Variants in HOMER1 observed in about 807,000 individuals in gnomAD.
HOMER1 encodes homer scaffold protein 1.
Under a neutral mutation model 48.9 loss-of-function variants are expected in HOMER1, and 3 were observed. That is an observed-to-expected ratio of 0.06 (90% CI 0.03 to 0.16). The LOEUF (loss-of-function observed/expected upper bound fraction) is 0.16. HOMER1 is among the 10% of genes least tolerant of loss of function. HOMER1 has a pLI of 1.00. For synonymous variants in HOMER1, 134 were observed against 146.4 expected (o/e 0.92, Z 0.61); for missense variants, 247 against 411.4 (o/e 0.60, Z 3.46).
chr5:79,384,765 T>C (rs1290345097), intron 8 of HOMER1, among the ~76,000 whole-genome samples: 1 of 152,090 alleles, frequency 6.6e-6, no homozygotes. Flanking sequence ...ACCAGCCAAC[T>C]GAATTCAACA....
At chr5:79,491,075 C>CAAAAAAAAAAAAAA (rs10527802) in intron 1 of HOMER1, among the ~76,000 whole-genome samples, 4 of 37,254 alleles carry the variant, frequency 1.1e-4, no homozygotes, top group Non-Finnish European at 3.2e-4. Flanking sequence ...AGTACCAAAG[C>CAAAAAAAAAAAAAA]AAAAAAAAAA....
chr5:79,479,233 G>A (rs566796931), intron 1 of HOMER1, among the ~76,000 whole-genome samples: 2 of 152,168 alleles, frequency 1.3e-5, no homozygotes, highest in Non-Finnish European at 2.9e-5. Flanking sequence ...TGAATTTGTT[G>A]ATAGGTCCTT....
chr5:79,400,354 T>TC (rs1361888850), intron 6 of HOMER1, among the ~76,000 whole-genome samples: 78 of 151,612 alleles, frequency 5.1e-4, no homozygotes, highest in African/African-American at 1.8e-3. Context: ...TCCTTTTCTT[T>TC]CTTTTTTTTT....
chr5:79,398,706 C>G (rs1471886252), intron 6 of HOMER1, among the ~76,000 whole-genome samples: 4 of 152,094 alleles, frequency 2.6e-5, no homozygotes, highest in Admixed American at 6.6e-5. Context: ...GGTATCAGAT[C>G]TAAACGCTCA....
chr5:79,446,213 C>A (rs566547509), intron 4 of HOMER1, among the ~76,000 whole-genome samples: 1 of 152,174 alleles, frequency 6.6e-6, no homozygotes, highest in Non-Finnish European at 1.5e-5. Flanking sequence ...CTTAATCCAT[C>A]CCAGGGCCAG....
At chr5:79,391,500 T>G (rs1304405337) in intron 8 of HOMER1, among the ~76,000 whole-genome samples, 1 of 151,250 alleles carries the variant, frequency 6.6e-6, no homozygotes, top group Non-Finnish European at 1.5e-5. Context: ...ATCCCAGCAC[T>G]TTGGGAGGCC....
At chr5:79,379,699 C>T (rs1211944235) in intron 8 of HOMER1, among the ~76,000 whole-genome samples, 2 of 151,452 alleles carry the variant, frequency 1.3e-5, no homozygotes, top group East Asian at 3.9e-4. Context: ...CCTGCCGCGG[C>T]CTCCCAAAGT....
intron 5 of HOMER1, among the ~76,000 whole-genome samples, chr5:79,410,768 T>C (rs569913981): frequency 9.8e-5 from 15 of 152,290 alleles, no homozygotes. Context: ...TAGACTTACA[T>C]TTAGCAACAA....
chr5:79,457,113 T>C (rs1046750114), intron 1 of HOMER1, 95 bp from the exon 2 acceptor site: 59 of 1,176,064 alleles, frequency 5.0e-5, no homozygotes, highest in Non-Finnish European at 6.1e-5. Context: ...TTCTGCTTAA[T>C]CAACAATTTC....
At chr5:79,452,861 A>G (rs908012652) in intron 2 of HOMER1, among the ~76,000 whole-genome samples, 4 of 152,222 alleles carry the variant, frequency 2.6e-5, no homozygotes, top group Non-Finnish European at 4.4e-5. Flanking sequence ...TTTTCTTAGC[A>G]TATCATTTGG....
intron 5 of HOMER1, among the ~76,000 whole-genome samples, chr5:79,404,886 T>A (rs1220069447): frequency 6.6e-6 from 1 of 151,596 alleles, no homozygotes; most frequent in Non-Finnish European, 1.5e-5. Flanking sequence ...TTTTAATATT[T>A]TTAGTAGAGA....
chr5:79,460,610 G>A (rs1561372307), intron 1 of HOMER1, among the ~76,000 whole-genome samples: 1 of 152,158 alleles, frequency 6.6e-6, no homozygotes, highest in Non-Finnish European at 1.5e-5. Context: ...AGTATCAGCA[G>A]ATAAGTAATA....
Position 79,500,963 on chromosome 5 carries a change from G to GACACACACACACACAC in HOMER1, c.5+11791_5+11806dup, listed in dbSNP as rs140189642. ...TGTGTGTGTGTGTGTGAGACAGACA[G>GACACACACACACACAC]ACACACACACACACACACACACACA... On this transcript the variant is annotated intron_variant, in intron 1 of 8. Coordinates refer to ENST00000334082, the MANE Select transcript of HOMER1 (RefSeq NM_004272.5). 3.3e-3 allele frequency among the ~76,000 whole-genome samples: 336 copies of GACACACACACACACAC among 101,640 alleles called. 1 individual carries two copies. The highest frequency in any genetic ancestry group is 0.01 in the African/African-American group (312 of 29,862). The allele number at this position is 101,640 out of a possible 152,430, so 66.7% of individuals were successfully genotyped here.
rs569809163 is a variant in HOMER1 at position 79,395,672 on chromosome 5, A to C, written c.876+1151T>G. On this transcript the variant is annotated intron_variant, in intron 8 of 8. Transcript: ENST00000334082. ...GAAGGATTATTATGAAGGGGTTTAA[A>C]GCCCATGTCTTTGACTACTAAAATA... Among the ~76,000 whole-genome samples, 14 of 152,338 alleles carry C rather than the reference A, an allele frequency of 9.2e-5. No individual in the cohort carries two copies. The South Asian group carries it at 2.7e-3, about 29-fold the overall frequency.
intron 5 of HOMER1, among the ~76,000 whole-genome samples, chr5:79,432,308 G>A (rs1403845703): frequency 1.3e-5 from 2 of 152,180 alleles, no homozygotes; most frequent in Non-Finnish European, 2.9e-5. Flanking sequence ...ATTTTTTAAA[G>A]CCCTCCACAA....
At chr5:79,450,878 A>T (rs1470074162) in intron 3 of HOMER1, 112 bp downstream of exon 3, 2 of 1,067,230 alleles carry the variant, frequency 1.9e-6, no homozygotes, top group Non-Finnish European at 2.6e-6. Flanking sequence ...TGCTGTTTCG[A>T]GAATATTAAA....
intron 1 of HOMER1, among the ~76,000 whole-genome samples, chr5:79,469,015 AAGAC>A (rs1237119413): frequency 2.0e-5 from 3 of 152,192 alleles, no homozygotes; most frequent in Admixed American, 2.0e-4. Flanking sequence ...AATAGTGAAA[AAGAC>A]AGAATCTAAA....
At chr5:79,465,443 A>G (rs1327591800) in intron 1 of HOMER1, among the ~76,000 whole-genome samples, 1 of 152,172 alleles carries the variant, frequency 6.6e-6, no homozygotes, top group African/African-American at 2.4e-5. Flanking sequence ...CATTATAGTT[A>G]TCAGAAATAT....
intron 2 of HOMER1, among the ~76,000 whole-genome samples, chr5:79,451,507 C>T (rs1751026248): frequency 1.3e-5 from 2 of 150,642 alleles, no homozygotes; most frequent in Admixed American, 1.3e-4. Context: ...TAGGGTACCA[C>T]CCTCCAAAGA....
Sources: allele counts gnomAD v4.1 joint callset (sites outside exome capture counted in the v4.1 genomes callset), GRCh38; gene constraint gnomAD v4.1.1; transcripts MANE v1.5; gene names NCBI Gene and HGNC (gene_info 2026-07-23, HGNC 2026-07-21).